FBXW8: variants seen among roughly 807,000 people sequenced by gnomAD.
FBXW8 encodes F-box and WD repeat domain containing 8.
FBXW8 carries 57 observed loss-of-function variants against 65.3 expected under a neutral mutation model. That is an observed-to-expected ratio of 0.87 (90% CI 0.71 to 1.09). FBXW8 has a LOEUF of 1.09. FBXW8 is among the 50% of genes least tolerant of loss of function. The pLI is 0.00. For missense variants in FBXW8, 777 were observed against 814.8 expected (o/e 0.95, Z 0.57); for synonymous variants, 308 against 330.2 (o/e 0.93, Z 0.73).
intron 3 of FBXW8, chr12:116,948,752 A>G (rs1883090084): frequency 6.6e-6 from 1 of 152,036 alleles, no homozygotes; most frequent in Non-Finnish European, 1.5e-5. Flanking sequence ...TTTTAATTCA[A>G]TTTAATTTTT....
At chr12:116,957,950 G>A (rs1021291909) in intron 4 of FBXW8, among the ~76,000 whole-genome samples, 11 of 152,124 alleles carry the variant, frequency 7.2e-5, no homozygotes, top group African/African-American at 2.7e-4. Flanking sequence ...GATAAATACT[G>A]GTGAACTCAT....
At chr12:116,921,709 A>G (rs1880913540) in intron 1 of FBXW8, among the ~76,000 whole-genome samples, 1 of 151,942 alleles carries the variant, frequency 6.6e-6, no homozygotes, top group South Asian at 2.1e-4. Context: ...TGAAAATATC[A>G]TGTGCTCACT....
chr12:116,963,018 G>A (rs1180202016), intron 4 of FBXW8, among the ~76,000 whole-genome samples: 3 of 152,262 alleles, frequency 2.0e-5, no homozygotes, highest in South Asian at 2.1e-4. Context: ...CTTGCACGTC[G>A]CTGGGCTTAA....
chr12:116,943,446 C>T (rs932719133), intron 2 of FBXW8, among the ~76,000 whole-genome samples: 1 of 152,190 alleles, frequency 6.6e-6, no homozygotes, highest in African/African-American at 2.4e-5. Context: ...TTGTCATGTG[C>T]ACCTCCTGAA....
At position 117,024,163 on chromosome 12, in the gene FBXW8, C is replaced by T. The variant is rs755978794; in HGVS notation, c.1384C>T (p.Leu462Phe). 6 of 1,613,876 alleles carry T rather than the reference C, an allele frequency of 3.7e-6. No individual in the cohort carries two copies. In the East Asian group the frequency reaches 6.7e-5, roughly 18 times the overall value. Residue 462 changes from leucine (L) to phenylalanine (F), a missense_variant, in exon 9 of 11, where the codon CTC becomes TTC. Physicochemically the swap from Leu to Phe is conservative, Grantham distance 22. Coordinates refer to ENST00000652555, the MANE Select transcript of FBXW8 (RefSeq NM_153348.3). ...NMDGRVRIHD[L>F]RSGNIALSLS... ...CCTGTCCAGGGTGAGGATCCACGAC[C>T]TCCGCAGTGGTAACATCGCCCTGTC... is the stretch of plus-strand genomic sequence containing the variant.
chr12:117,015,751 G>A (rs1009290292), intron 8 of FBXW8, among the ~76,000 whole-genome samples: 3 of 151,504 alleles, frequency 2.0e-5, no homozygotes, highest in Non-Finnish European at 4.4e-5. Context: ...TTTTAAGTAG[G>A]TCCACAAGGT....
At chr12:117,007,240 G>T (rs73399480) in intron 7 of FBXW8, among the ~76,000 whole-genome samples, 7,169 of 151,740 alleles carry the variant, frequency 0.047, 410 homozygotes, top group African/African-American at 0.14. Context: ...AGGATTTATG[G>T]AAATACTTTA....
At chr12:117,016,106 G>T (rs1170429291) in intron 8 of FBXW8, among the ~76,000 whole-genome samples, 4 of 152,084 alleles carry the variant, frequency 2.6e-5, no homozygotes, top group Non-Finnish European at 5.9e-5. Flanking sequence ...TCCACCTTTT[G>T]ACTATTATAA....
At chr12:116,977,084 T>C (rs1446999612) in intron 5 of FBXW8, among the ~76,000 whole-genome samples, 1 of 152,242 alleles carries the variant, frequency 6.6e-6, no homozygotes, top group Non-Finnish European at 1.5e-5. Context: ...GGTATCTGAA[T>C]GCCCAAGTGA....
At chr12:116,969,508 T>C (rs905200623) in intron 5 of FBXW8, among the ~76,000 whole-genome samples, 2 of 152,264 alleles carry the variant, frequency 1.3e-5, no homozygotes, top group Non-Finnish European at 2.9e-5. Flanking sequence ...TTTATATTGC[T>C]TCTTTCCAGG....
chr12:117,007,870 G>A (rs979491252), intron 7 of FBXW8, among the ~76,000 whole-genome samples: 8 of 152,082 alleles, frequency 5.3e-5, no homozygotes, highest in African/African-American at 1.7e-4. Flanking sequence ...TAAGGGACTC[G>A]TAACGTGGAA....
At chr12:116,920,384 C>G (rs577790435) in intron 1 of FBXW8, among the ~76,000 whole-genome samples, 2 of 152,194 alleles carry the variant, frequency 1.3e-5, no homozygotes, top group African/African-American at 2.4e-5. Flanking sequence ...AGCCACTGTT[C>G]CAGGCACTGA....
At position 116,949,307 on chromosome 12, in the gene FBXW8, A is replaced by T. The variant is rs535346019; in HGVS notation, c.589-311A>T. ...ACTCCCAGCAGATACATGCCAGCCTATTGTGGATGGTAGTTATTGGTGAGC... is the reference window on the plus strand; with the variant it reads ...ACTCCCAGCAGATACATGCCAGCCTTTTGTGGATGGTAGTTATTGGTGAGC... On this transcript the variant is annotated intron_variant, in intron 3 of 10. Transcript: ENST00000652555. 9 of 329,882 alleles carry T rather than the reference A, an allele frequency of 2.7e-5. No homozygotes were observed. The Admixed American group carries it at 3.8e-4, about 14-fold the overall frequency. 20.4% of individuals were successfully genotyped at this position (329,882 alleles called of 1,614,324 possible).
intron 5 of FBXW8, among the ~76,000 whole-genome samples, chr12:116,969,371 C>G (rs556658761): frequency 2.0e-4 from 31 of 152,276 alleles, no homozygotes; most frequent in South Asian, 1.2e-3. Flanking sequence ...TCTATTCTTT[C>G]CCCAGACGTC....
intron 1 of FBXW8, among the ~76,000 whole-genome samples, chr12:116,919,120 C>T (rs566703328): frequency 6.6e-6 from 1 of 152,088 alleles, no homozygotes; most frequent in Non-Finnish European, 1.5e-5. Context: ...GTAACTGATG[C>T]TATGGAAAGC....
chr12:116,998,528 C>G (rs1262157544), intron 7 of FBXW8, among the ~76,000 whole-genome samples: 4 of 152,162 alleles, frequency 2.6e-5, no homozygotes, highest in African/African-American at 7.2e-5. Flanking sequence ...GTTTACCATC[C>G]TATACCATGG....
intron 10 of FBXW8, among the ~76,000 whole-genome samples, 181 bp from the exon 11 acceptor site, chr12:117,027,847 C>T (rs969164832): frequency 1.3e-5 from 2 of 152,244 alleles, no homozygotes; most frequent in African/African-American, 2.4e-5. Flanking sequence ...GACTTGTGCA[C>T]CCCCACGTTG....
chr12:116,914,348 G>T (rs1880227718), intron 1 of FBXW8, among the ~76,000 whole-genome samples: 1 of 151,862 alleles, frequency 6.6e-6, no homozygotes, highest in South Asian at 2.1e-4. Flanking sequence ...GGAGGCTGAG[G>T]TGGGTGGATG....
chr12:116,917,505 G>A (rs1880524918), intron 1 of FBXW8, among the ~76,000 whole-genome samples: 1 of 152,202 alleles, frequency 6.6e-6, no homozygotes, highest in South Asian at 2.1e-4. Flanking sequence ...TTTCATTAGT[G>A]CACCCTGTTG....
Sources: allele counts gnomAD v4.1 joint callset (sites outside exome capture counted in the v4.1 genomes callset), GRCh38; gene constraint gnomAD v4.1.1; transcripts MANE v1.5; gene names NCBI Gene and HGNC (gene_info 2026-07-23, HGNC 2026-07-21).